The following GRXCR2 variants were observed in gnomAD, a reference collection of about 807,000 sequenced individuals.
GRXCR2 encodes glutaredoxin and cysteine rich domain containing 2, also known as glutaredoxin domain-containing cysteine-rich protein 2.
GRXCR2 carries 23 observed loss-of-function variants against 24.8 expected under a neutral mutation model. That is an observed-to-expected ratio of 0.93 (90% CI 0.67 to 1.32). The LOEUF (loss-of-function observed/expected upper bound fraction) is 1.32. GRXCR2 is among the 40% of genes most tolerant of loss of function. GRXCR2 has a pLI of 0.00. For synonymous variants in GRXCR2, 130 were observed against 116.1 expected (o/e 1.12, Z -0.77); for missense variants, 315 against 303.4 (o/e 1.04, Z -0.28).
rs1298181760 is a variant in GRXCR2, at chr5:145,924,499, A to C, written c.-70+11202T>G. On this transcript the variant is annotated intron_variant, in intron 2 of 3. Coordinates refer to the GRXCR2 transcript ENST00000639411. The stretch of plus-strand genomic sequence containing the variant: ...GAGATTAACCTGATGTTACTCTGAG[A>C]AGGCTCTGTATGTTGCCAAGTTTTG... Among the ~76,000 whole-genome samples, 3 of 152,170 alleles carry C rather than the reference A, an allele frequency of 2.0e-5. No individual in the cohort carries two copies. In the East Asian group the frequency reaches 5.8e-4, roughly 29 times the overall value.
chr5:145,896,246 C>T (rs1425478966), intron 2 of GRXCR2, among the ~76,000 whole-genome samples: 1 of 152,044 alleles, frequency 6.6e-6, no homozygotes, highest in Non-Finnish European at 1.5e-5. Flanking sequence ...TCTAAAACAC[C>T]AAAAGCAATG....
chr5:145,858,316 C>CAA (rs139918161), downstream of GRXCR2, among the ~76,000 whole-genome samples: 60 of 121,328 alleles, frequency 4.9e-4, no homozygotes, highest in African/African-American at 1.6e-3. Flanking sequence ...CTGTCTCCCA[C>CAA]AAAAAAAAAA....
upstream of GRXCR2, among the ~76,000 whole-genome samples, chr5:145,876,977 A>G (rs1756628104): frequency 6.6e-6 from 1 of 152,168 alleles, no homozygotes; most frequent in South Asian, 2.1e-4. Flanking sequence ...TGACTCTGGC[A>G]ACTGGGTGGA....
chr5:145,923,069 C>A (rs1181058371), intron 2 of GRXCR2, among the ~76,000 whole-genome samples: 1 of 152,234 alleles, frequency 6.6e-6, no homozygotes, highest in East Asian at 1.9e-4. Flanking sequence ...CCCACTCAAT[C>A]TCAAATTTTA....
intron 2 of GRXCR2, among the ~76,000 whole-genome samples, chr5:145,897,697 A>T (rs1252262199): frequency 2.6e-5 from 4 of 152,192 alleles, no homozygotes; most frequent in Admixed American, 2.6e-4. Flanking sequence ...TATGGAAATT[A>T]AACAACTTGC....
intron 2 of GRXCR2, among the ~76,000 whole-genome samples, chr5:145,878,640 A>G (rs1346987947): frequency 6.6e-6 from 1 of 152,220 alleles, no homozygotes; most frequent in Non-Finnish European, 1.5e-5. Context: ...ATCATCCAGG[A>G]GAACTTCCCC....
intron 2 of GRXCR2, among the ~76,000 whole-genome samples, chr5:145,925,474 G>A (rs919542092): frequency 3.3e-5 from 5 of 152,154 alleles, no homozygotes; most frequent in African/African-American, 1.2e-4. Context: ...AAGGGTCACA[G>A]AGCTGTTACT....
upstream of GRXCR2, among the ~76,000 whole-genome samples, chr5:145,877,198 T>G (rs895613487): frequency 1.3e-5 from 2 of 152,066 alleles, no homozygotes; most frequent in African/African-American, 2.4e-5. Context: ...GGAAAAAAAT[T>G]GAAAACAACT....
rs372393420 is a variant in GRXCR2, at chr5:145,866,464, C to A, written c.564+37G>T. On this transcript the variant is annotated intron_variant, in intron 2 of 2. Transcript: ENST00000377976. ...CAGCTTGGAGACCATTGCTGTAGGG[C>A]CAGCTCCGAGCAGGACAGTCAAGCT... is the stretch of plus-strand genomic sequence containing the variant. 2.8e-4 allele frequency: 416 copies of A among 1,499,768 alleles called. 1 individual carries two copies. The highest frequency in any genetic ancestry group is 3.4e-4 in the Non-Finnish European group (371 of 1,081,476). 92.9% of individuals were successfully genotyped at this position (1,499,768 alleles called of 1,614,324 possible).
At chr5:145,911,597 C>T (rs764589846) in intron 2 of GRXCR2, among the ~76,000 whole-genome samples, 23 of 152,218 alleles carry the variant, frequency 1.5e-4, no homozygotes, top group Admixed American at 5.9e-4. Flanking sequence ...CAAATTCACA[C>T]TTCCTTTGGG....
intron 2 of GRXCR2, among the ~76,000 whole-genome samples, chr5:145,922,199 G>A (rs979053415): frequency 5.3e-5 from 8 of 152,154 alleles, no homozygotes; most frequent in African/African-American, 1.9e-4. Flanking sequence ...GCCCAGGTTA[G>A]GCAGAGTACA....
chr5:145,930,019 T>C (rs1166738715), intron 2 of GRXCR2, among the ~76,000 whole-genome samples: 3 of 152,196 alleles, frequency 2.0e-5, no homozygotes, highest in Non-Finnish European at 2.9e-5. Context: ...TCCTTCACTT[T>C]TCTGATAACA....
upstream of GRXCR2, among the ~76,000 whole-genome samples, chr5:145,874,206 T>TA (rs1756577488): frequency 6.7e-6 from 1 of 148,242 alleles, no homozygotes; most frequent in African/African-American, 2.6e-5. Flanking sequence ...ATTATTTTAT[T>TA]TTATTTTTTT....
At position 145,870,540 on chromosome 5, in the gene GRXCR2, A is replaced by G. The variant is rs147748704; in HGVS notation, c.336+2093T>C. Among the ~76,000 whole-genome samples the G allele has an allele frequency of 1.9e-3, 291 of 152,298 alleles. 1 individual carries two copies. Among genetic ancestry groups the G allele is most frequent in the African/African-American group, 6.6e-3 (273 of 41,568 alleles). On this transcript the variant is annotated intron_variant, in intron 1 of 2. Transcript: ENST00000377976. ...AATTGAGAATAATGCTGCTATGAAC[A>G]ATGTTGTACATATATCTGTTTGAGT...
intron 2 of GRXCR2, among the ~76,000 whole-genome samples, chr5:145,905,711 A>T (rs1232963057): frequency 1.3e-5 from 2 of 152,192 alleles, no homozygotes; most frequent in African/African-American, 4.8e-5. Context: ...GTGGCACTTA[A>T]CCTGAGACAT....
At chr5:145,906,404 A>G (rs1757090658) in intron 2 of GRXCR2, among the ~76,000 whole-genome samples, 1 of 152,174 alleles carries the variant, frequency 6.6e-6, no homozygotes, top group Non-Finnish European at 1.5e-5. Context: ...ATCCGATAGC[A>G]TGTATGTCTG....
upstream of GRXCR2, among the ~76,000 whole-genome samples, chr5:145,874,224 A>G (rs1281258350): frequency 1.4e-5 from 2 of 138,026 alleles, no homozygotes; most frequent in Admixed American, 1.5e-4. Context: ...TTTTTTTTTG[A>G]GACGGAGTCT....
At chr5:145,877,289 G>C (rs911652014), upstream of GRXCR2, among the ~76,000 whole-genome samples, 1 of 150,222 alleles carries the variant, frequency 6.7e-6, no homozygotes, top group Non-Finnish European at 1.5e-5. Context: ...AAGGAGAGGA[G>C]ACACTTGTCC....
upstream of GRXCR2, among the ~76,000 whole-genome samples, chr5:145,876,094 G>A (rs139171545): frequency 6.6e-6 from 1 of 151,106 alleles, no homozygotes; most frequent in Non-Finnish European, 1.5e-5. Context: ...TTGAGCCCAG[G>A]AGTTTGAGGC....
Sources: gnomAD v4.1 joint callset for allele counts (sites outside exome capture counted in the v4.1 genomes callset) on GRCh38, gnomAD v4.1.1 for gene constraint, MANE v1.5 for transcripts, NCBI Gene and HGNC (gene_info 2026-07-23, HGNC 2026-07-21) for gene names.